GALM: variants seen among roughly 807,000 people sequenced by gnomAD.
GALM encodes galactose mutarotase.
In GALM, 43 loss-of-function variants were observed where a neutral mutation model predicts 37.4. The ratio of observed to expected loss-of-function variants is 1.15; its 90% CI spans 0.90 to 1.48. GALM has a LOEUF of 1.48. GALM is among the 40% of genes most tolerant of loss of function. The probability of loss-of-function intolerance (pLI) is 0.00; values close to 1 mark genes in which losing one functional copy is unlikely to be tolerated. For synonymous variants in GALM, 199 were observed against 170.6 expected (o/e 1.17, Z -1.30); for missense variants, 456 against 419.1 (o/e 1.09, Z -0.77).
At chr2:38,698,999 C>T (rs531894446) in intron 4 of GALM, among the ~76,000 whole-genome samples, 4 of 152,254 alleles carry the variant, frequency 2.6e-5, no homozygotes, top group African/African-American at 9.6e-5. Flanking sequence ...CTGCAACCTC[C>T]GCCTCCTGGG....
intron 4 of GALM, among the ~76,000 whole-genome samples, chr2:38,724,243 A>T (rs1292829582): frequency 2.0e-5 from 3 of 152,198 alleles, no homozygotes. Context: ...CAAATAAAAC[A>T]TTGAGAGATT....
At chr2:38,677,032 T>C (rs558059560) in intron 2 of GALM, among the ~76,000 whole-genome samples, 46 of 152,316 alleles carry the variant, frequency 3.0e-4, no homozygotes, top group Non-Finnish European at 6.3e-4. Context: ...CCTCTCCACA[T>C]GAAAACGACC....
At chr2:38,726,713 C>T (rs1025850091) in intron 4 of GALM, among the ~76,000 whole-genome samples, 2 of 151,658 alleles carry the variant, frequency 1.3e-5, no homozygotes, top group Non-Finnish European at 2.9e-5. Context: ...TTGGCCAAAA[C>T]GGTGAAAGCC....
intron 4 of GALM, among the ~76,000 whole-genome samples, chr2:38,712,175 G>A (rs977319301): frequency 6.6e-6 from 1 of 152,122 alleles, no homozygotes; most frequent in Non-Finnish European, 1.5e-5. Context: ...TCCTGGTTCT[G>A]TCATCCCAAG....
chr2:38,690,243 G>A (rs542299666), intron 4 of GALM, among the ~76,000 whole-genome samples: 7 of 152,006 alleles, frequency 4.6e-5, no homozygotes, highest in South Asian at 2.1e-4. Flanking sequence ...AGGCCAAGGC[G>A]GTTGGATCAC....
chr2:38,671,861 G>A (rs1041446650), intron 1 of GALM, among the ~76,000 whole-genome samples: 5 of 152,068 alleles, frequency 3.3e-5, no homozygotes, highest in East Asian at 1.9e-4. Context: ...GTGTGGTGGC[G>A]CATGCCTGTA....
chr2:38,677,801 A>T (rs745825607), intron 2 of GALM, among the ~76,000 whole-genome samples: 1 of 152,114 alleles, frequency 6.6e-6, no homozygotes, highest in Non-Finnish European at 1.5e-5. Flanking sequence ...ATAAAGAGGG[A>T]GATGGACTCT....
intron 3 of GALM, among the ~76,000 whole-genome samples, chr2:38,688,436 G>T (rs534397596): frequency 6.6e-6 from 1 of 152,050 alleles, no homozygotes; most frequent in South Asian, 2.1e-4. Context: ...ACTTGAACCC[G>T]AGAGGCGGAG....
At chr2:38,713,146 C>T (rs1443549978) in intron 4 of GALM, among the ~76,000 whole-genome samples, 1 of 152,162 alleles carries the variant, frequency 6.6e-6, no homozygotes, top group Non-Finnish European at 1.5e-5. Flanking sequence ...GCATGGGCTC[C>T]CTAATCACAC....
intron 4 of GALM, among the ~76,000 whole-genome samples, chr2:38,717,438 C>T (rs1211736251): frequency 2.0e-5 from 3 of 151,818 alleles, no homozygotes; most frequent in South Asian, 2.1e-4. Flanking sequence ...CTCACTCTAT[C>T]GCCCAGGCTG....
At chr2:38,688,225 A>AT (rs1558583009) in intron 3 of GALM, among the ~76,000 whole-genome samples, 3 of 143,502 alleles carry the variant, frequency 2.1e-5, no homozygotes, top group African/African-American at 7.8e-5. Flanking sequence ...AAAAAAAAAA[A>AT]TGTGTACTGG....
chr2:38,725,020 A>T (rs1191234819), intron 4 of GALM, among the ~76,000 whole-genome samples: 1 of 152,136 alleles, frequency 6.6e-6, no homozygotes, highest in Non-Finnish European at 1.5e-5. Flanking sequence ...ACTTTAAGGG[A>T]GATAATTATA....
At chr2:38,733,018 C>T (rs900336672) in intron 6 of GALM, among the ~76,000 whole-genome samples, 4 of 151,210 alleles carry the variant, frequency 2.6e-5, no homozygotes, top group Admixed American at 6.6e-5. Context: ...GTCAGGAGTT[C>T]GAGACCAGCC....
chr2:38,693,971 G>A (rs529463394), intron 4 of GALM, among the ~76,000 whole-genome samples: 1 of 152,304 alleles, frequency 6.6e-6, no homozygotes, highest in East Asian at 1.9e-4. Context: ...GTTGAGCCCA[G>A]GAGTTCAAGA....
chr2:38,684,519 C>A (rs75097837), intron 3 of GALM, among the ~76,000 whole-genome samples: 9,377 of 152,078 alleles, frequency 0.062, 395 homozygotes, highest in East Asian at 0.15. Context: ...TAAAAACAAA[C>A]AAACAGGCTG....
intron 3 of GALM, among the ~76,000 whole-genome samples, chr2:38,686,367 G>C (rs908112630): frequency 6.6e-6 from 1 of 151,636 alleles, no homozygotes; most frequent in Non-Finnish European, 1.5e-5. Context: ...CCGGGTTCAC[G>C]ACATTCTCCT....
At chr2:38,714,302 C>A (rs1666226612) in intron 4 of GALM, among the ~76,000 whole-genome samples, 2 of 151,302 alleles carry the variant, frequency 1.3e-5, no homozygotes, top group South Asian at 4.2e-4. Context: ...GCAACCTCTG[C>A]CTCCCAGGCT....
At chr2:38,720,395 C>T (rs1435121770) in intron 4 of GALM, among the ~76,000 whole-genome samples, 2 of 126,188 alleles carry the variant, frequency 1.6e-5, no homozygotes, top group Non-Finnish European at 3.1e-5. Flanking sequence ...GGTATAATCA[C>T]GTGAAGGCAC....
chr2:38,722,040 A>ACCCCCCCCCC (rs1178141610), intron 4 of GALM, among the ~76,000 whole-genome samples: 1 of 53,462 alleles, frequency 1.9e-5, no homozygotes. Flanking sequence ...TCCCCCCCCC[A>ACCCCCCCCCC]CCCCCCCCCC....
Sources: allele counts gnomAD v4.1 joint callset (sites outside exome capture counted in the v4.1 genomes callset), GRCh38; gene constraint gnomAD v4.1.1; transcripts MANE v1.5; gene names NCBI Gene and HGNC (gene_info 2026-07-23, HGNC 2026-07-21).